The following CACNA2D1 variants were observed in gnomAD, a reference collection of about 807,000 sequenced individuals.
The protein encoded by CACNA2D1 is calcium voltage-gated channel auxiliary subunit alpha2delta 1.
CACNA2D1 carries 53 observed loss-of-function variants against 171.5 expected under a neutral mutation model. That is an observed-to-expected ratio of 0.31 (90% CI 0.25 to 0.39). The LOEUF (loss-of-function observed/expected upper bound fraction) is 0.39, where lower values mean the gene tolerates loss of function less well. CACNA2D1 is among the 10% of genes least tolerant of loss of function. The pLI, the probability that CACNA2D1 is intolerant of heterozygous loss-of-function variation, is 1.00. For synonymous variants in CACNA2D1, 442 were observed against 443.1 expected, an observed-to-expected ratio of 1.00 and a Z score of 0.03; for missense variants, 903 against 1,299.8, an observed-to-expected ratio of 0.69 and a Z score of 4.69.
chr7:82,192,732 A>C (rs1798464807), intron 3 of CACNA2D1, among the ~76,000 whole-genome samples: 1 of 149,606 alleles, frequency 6.7e-6, no homozygotes, highest in African/African-American at 2.5e-5. Context: ...AAATGCTATT[A>C]ACCTGAGCAG....
chr7:82,228,755 T>C (rs1225947919), intron 3 of CACNA2D1, among the ~76,000 whole-genome samples: 1 of 152,070 alleles, frequency 6.6e-6, no homozygotes. Flanking sequence ...GCAAACGTTT[T>C]ATTATTATTA....
chr7:82,401,587 A>G (rs377048114), intron 1 of CACNA2D1, among the ~76,000 whole-genome samples: 6,803 of 150,594 alleles, frequency 0.045, 178 homozygotes, highest in Middle Eastern at 0.065. Context: ...GGATAGCATT[A>G]GGAGATATAC....
Position 82,005,416 on chromosome 7 carries a change from T to C in CACNA2D1, c.1590+7A>G, listed in dbSNP as rs756630395. On this transcript the variant is annotated splice_region_variant and intron_variant, in intron 18 of 38. Transcript: ENST00000356860. ...CACTAATCACTGTAAACAAATTATA[T>C]ACTGACCTTTGGCTGAAGATTTGGA... is the stretch of plus-strand genomic sequence containing the variant. 8.5e-6 allele frequency: 13 copies of C among 1,523,688 alleles called. No individual in the cohort carries two copies. Among genetic ancestry groups the C allele is most frequent in the Non-Finnish European group, 1.2e-5 (13 of 1,104,374 alleles). The allele number at this position is 1,523,688 out of a possible 1,614,324, so 94.4% of individuals were successfully genotyped here. A position where few individuals can be genotyped will look rare whatever the true frequency, so the allele number is the denominator to read the frequency against.
At chr7:81,988,134 T>A (rs1200799959) in intron 21 of CACNA2D1, among the ~76,000 whole-genome samples, 2 of 152,142 alleles carry the variant, frequency 1.3e-5, no homozygotes, top group African/African-American at 2.4e-5. Flanking sequence ...TTTCTCAGAA[T>A]TTGTTCATCT....
chr7:82,037,099 T>G (rs1041018376), intron 11 of CACNA2D1, among the ~76,000 whole-genome samples: 2 of 152,144 alleles, frequency 1.3e-5, no homozygotes, highest in Admixed American at 1.3e-4. Context: ...AGAAATAAAA[T>G]AATTGAACAA....
intron 20 of CACNA2D1, among the ~76,000 whole-genome samples, chr7:81,993,968 G>A (rs182347293): frequency 3.3e-5 from 5 of 152,124 alleles, no homozygotes; most frequent in East Asian, 3.9e-4. Context: ...CTCCCTTTGC[G>A]TTCTGTAATA....
In CACNA2D1 at chr7:82,238,987, G is replaced by A. The variant is rs1422758904; in HGVS notation, c.295-68378C>T. ...TGAATGAAAATAAAATCATTGAGTAGATGAATGGTATATTGGGATATGGGC... is the reference window on the plus strand; with the variant it reads ...TGAATGAAAATAAAATCATTGAGTAAATGAATGGTATATTGGGATATGGGC... On this transcript the variant is annotated intron_variant, in intron 3 of 38. Coordinates refer to ENST00000356860, the MANE Select transcript of CACNA2D1 (RefSeq NM_000722.4). Among the ~76,000 whole-genome samples the A allele has an allele frequency of 2.6e-5, 4 of 152,110 alleles. No individual in the cohort carries two copies. In the East Asian group the frequency reaches 7.7e-4, roughly 29 times the overall value.
At chr7:81,960,523 T>TCG (rs1793980361) in intron 36 of CACNA2D1, among the ~76,000 whole-genome samples, 1 of 152,090 alleles carries the variant, frequency 6.6e-6, no homozygotes. Context: ...CTTAAGCTGC[T>TCG]CTTACTTTAG....
At chr7:82,280,300 A>G (rs1179201608) in intron 3 of CACNA2D1, among the ~76,000 whole-genome samples, 1 of 152,210 alleles carries the variant, frequency 6.6e-6, no homozygotes, top group East Asian at 1.9e-4. Context: ...GACAGAGAGG[A>G]AAATTTGAGT....
intron 3 of CACNA2D1, among the ~76,000 whole-genome samples, chr7:82,307,199 C>T (rs558252440): frequency 6.6e-6 from 1 of 151,980 alleles, no homozygotes; most frequent in African/African-American, 2.4e-5. Flanking sequence ...GTTCTGTTGC[C>T]CAGGCTGGAG....
Position 82,060,201 on chromosome 7 carries a change from TTATATATATA to T in CACNA2D1, c.879+217_879+226del, listed in dbSNP as rs1806599110. On this transcript the variant is annotated intron_variant, in intron 10 of 38. Coordinates refer to ENST00000356860, the MANE Select transcript of CACNA2D1 (RefSeq NM_000722.4). ...ATAATATATATATATTATATATATATTATATATATAATATATATATAATATATATATATAA... is the reference window on the plus strand; with the variant it reads ...ATAATATATATATATTATATATATATATATATATATAATATATATATATAA... Among the ~76,000 whole-genome samples the T allele has an allele frequency of 1.9e-4, 2 of 10,398 alleles. 1 individual carries two copies. The highest frequency in any genetic ancestry group is 3.6e-4 in the African/African-American group (2 of 5,516). The allele number at this position is 10,398 out of a possible 152,430, so 6.8% of individuals were successfully genotyped here. A position where few individuals can be genotyped will look rare whatever the true frequency, so the allele number is the denominator to read the frequency against.
chr7:82,039,418 CCATA>C (rs1264027294), intron 10 of CACNA2D1, among the ~76,000 whole-genome samples: 1 of 152,032 alleles, frequency 6.6e-6, no homozygotes, highest in East Asian at 1.9e-4. Context: ...CACAAAAATA[CCATA>C]AATATATAAA....
intron 5 of CACNA2D1, among the ~76,000 whole-genome samples, chr7:82,135,611 T>C (rs1251601059): frequency 6.6e-6 from 1 of 152,132 alleles, no homozygotes; most frequent in Non-Finnish European, 1.5e-5. Flanking sequence ...TTTGAGATGG[T>C]GGTGGTATAA....
chr7:82,291,272 T>C (rs1811527932), intron 3 of CACNA2D1, among the ~76,000 whole-genome samples: 1 of 142,084 alleles, frequency 7.0e-6, no homozygotes, highest in Non-Finnish European at 1.5e-5. Context: ...GAATATAGTG[T>C]ATATATAATT....
chr7:82,140,985 A>G (rs1022115951), intron 4 of CACNA2D1, among the ~76,000 whole-genome samples: 8 of 150,628 alleles, frequency 5.3e-5, no homozygotes, highest in Admixed American at 4.6e-4. Flanking sequence ...AAAAATTGCA[A>G]TTATTCGTTT....
At chr7:81,997,654 T>G (rs936221764) in intron 18 of CACNA2D1, among the ~76,000 whole-genome samples, 2 of 140,432 alleles carry the variant, frequency 1.4e-5, no homozygotes, top group Admixed American at 6.9e-5. Context: ...AAGCATACTT[T>G]TAAAATTTGT....
rs577471671 is a variant in CACNA2D1 at position 82,161,291 on chromosome 7, T to C, written c.354+9259A>G. Among the ~76,000 whole-genome samples, 103 of 152,166 alleles carry C rather than the reference T, an allele frequency of 6.8e-4. 1 individual carries two copies. Among genetic ancestry groups the C allele is most frequent in the Admixed American group, 2.6e-3 (40 of 15,258 alleles). ...GGTCAAAGAGACCTCCCTGCCCCCA[T>C]GGTTTTCTTTGATTCCTTCAGCTTA... On this transcript the variant is annotated intron_variant, in intron 4 of 38. Transcript: ENST00000356860.
intron 1 of CACNA2D1, among the ~76,000 whole-genome samples, chr7:82,362,326 C>A (rs80152151): frequency 0.038 from 5,844 of 152,204 alleles, 135 homozygotes; most frequent in South Asian, 0.08. Context: ...AAATGGACCA[C>A]CCTGTATTGT....
At chr7:81,958,553 A>G (rs1423620327) in intron 38 of CACNA2D1, among the ~76,000 whole-genome samples, 1 of 151,908 alleles carries the variant, frequency 6.6e-6, no homozygotes, top group Non-Finnish European at 1.5e-5. Context: ...CATACTGATG[A>G]CATATTACCT....
Sources: gnomAD v4.1 joint callset for allele counts (sites outside exome capture counted in the v4.1 genomes callset) on GRCh38, gnomAD v4.1.1 for gene constraint, MANE v1.5 for transcripts, NCBI Gene and HGNC (gene_info 2026-07-23, HGNC 2026-07-21) for gene names.